The following GYG2 variants were observed in gnomAD, a reference collection of about 807,000 sequenced individuals.
The protein encoded by GYG2 is glycogenin 2, also known as glycogenin-2.
Under a neutral mutation model 29.4 loss-of-function variants are expected in GYG2, and 29 were observed. The observed-to-expected ratio is 0.99, with a 90% CI of 0.74 to 1.35. The LOEUF is 1.35. Ranked by LOEUF, GYG2 falls within the 40% of genes most tolerant of loss-of-function variation. The pLI, the probability that GYG2 is intolerant of heterozygous loss-of-function variation, is 0.00. For missense variants in GYG2, 370 were observed against 385.7 expected (o/e 0.96, Z 0.34); for synonymous variants, 167 against 172.3 (o/e 0.97, Z 0.24).
At chrX:2,863,570 T>C (rs183721548) in intron 8 of GYG2, among the ~76,000 whole-genome samples, 1 of 112,523 alleles carries the variant, frequency 8.9e-6, no homozygotes, top group Admixed American at 9.4e-5. Context: ...CACATTGCTC[T>C]GGAAGACACC....
chrX:2,861,638 T>C lies in GYG2; in HGVS notation c.954T>C (p.Ser318=). ...GVPCANSPLG[S]NQPAQGLPEP... is the part of the protein sequence containing the mutation. ...CGTGTGCAAATTCACCACTGGGTTC[T>C]AACCAGCCTGCTCAGGGCCTTCCGG... Residue 318 remains serine, a synonymous_variant, in exon 8 of 11, where the codon TCT becomes TCC. Coordinates refer to ENST00000398806, the MANE Select transcript of GYG2 (RefSeq NM_001079855.2). The C allele has an allele frequency of 8.3e-7, 1 of 1,207,675 alleles. No individual in the cohort carries two copies. Among genetic ancestry groups the C allele is most frequent in the South Asian group, 1.8e-5 (1 of 56,333 alleles).
intron 6 of GYG2, among the ~76,000 whole-genome samples, chrX:2,858,943 G>A (rs1163446545): frequency 9.0e-6 from 1 of 110,915 alleles, no homozygotes; most frequent in Non-Finnish European, 1.9e-5. Context: ...TTTTGCCCCT[G>A]TCGTTTTAAG....
chrX:2,830,816 G>C (rs1361795494), intron 2 of GYG2, among the ~76,000 whole-genome samples: 2 of 112,400 alleles, frequency 1.8e-5, no homozygotes, highest in Non-Finnish European at 1.9e-5. Context: ...CCAGCTACTA[G>C]GGAAGCTGAG....
chrX:2,859,395 CTATA>C (rs2088101507), intron 6 of GYG2, among the ~76,000 whole-genome samples: 1 of 110,461 alleles, frequency 9.1e-6, no homozygotes. Flanking sequence ...ATATTGTTGA[CTATA>C]TATTGATTAC....
At chrX:2,870,145 T>A (rs1050556445) in intron 8 of GYG2, among the ~76,000 whole-genome samples, 5 of 110,240 alleles carry the variant, frequency 4.5e-5, no homozygotes, top group Non-Finnish European at 5.7e-5. Flanking sequence ...CTTTTTGTAG[T>A]GCATCTTATT....
intron 10 of GYG2, among the ~76,000 whole-genome samples, chrX:2,879,514 T>A (rs1236707189): frequency 8.9e-6 from 1 of 112,013 alleles, no homozygotes; most frequent in East Asian, 2.8e-4. Context: ...GTGATCCACC[T>A]GCCTCGGCCT....
At chrX:2,849,312 G>A (rs138403249) in intron 3 of GYG2, among the ~76,000 whole-genome samples, 1,249 of 111,167 alleles carry the variant, frequency 0.011, 10 homozygotes, top group Middle Eastern at 0.028. Flanking sequence ...TGAAGGAAGG[G>A]TACTTTTTCA....
chrX:2,837,876 C>T (rs766674407), intron 2 of GYG2, among the ~76,000 whole-genome samples: 2 of 108,643 alleles, frequency 1.8e-5, no homozygotes, highest in South Asian at 8.1e-4. Context: ...CACATACACA[C>T]ACACACACGT....
At chrX:2,843,949 CTT>C (rs1269144209) in intron 3 of GYG2, among the ~76,000 whole-genome samples, 1 of 112,320 alleles carries the variant, frequency 8.9e-6, no homozygotes, top group Admixed American at 9.4e-5. Flanking sequence ...GCCAAGGAGT[CTT>C]TTCTTATAAT....
Position 2,881,037 on chromosome X carries a change from G to A in GYG2, c.1252-15G>A, listed in dbSNP as rs1163272819. ...ACAGCTGCAAAAACCATCTCCCACTGACTGTCTTCCCTAGGTCGACCTGGC... is the reference window on the plus strand; with the variant it reads ...ACAGCTGCAAAAACCATCTCCCACTAACTGTCTTCCCTAGGTCGACCTGGC... On this transcript the variant is annotated splice_polypyrimidine_tract_variant and intron_variant, in intron 10 of 10. Transcript: ENST00000398806. 2 of 1,205,760 alleles carry A rather than the reference G, an allele frequency of 1.7e-6. No individual in the cohort carries two copies. Among genetic ancestry groups the A allele is most frequent in the Non-Finnish European group, 2.2e-6 (2 of 892,337 alleles).
intron 5 of GYG2, among the ~76,000 whole-genome samples, chrX:2,855,832 G>C (rs1371850475): frequency 8.9e-6 from 1 of 112,062 alleles, no homozygotes; most frequent in African/African-American, 3.2e-5. Context: ...GGCTGAGTTG[G>C]GAGCAGCAGC....
Position 2,854,087 on chromosome X carries a change from T to A in GYG2, c.257T>A (p.Leu86His). The A allele has an allele frequency of 8.3e-7, 1 of 1,205,326 alleles. No homozygotes were observed. Among genetic ancestry groups the A allele is most frequent in the South Asian group, 1.8e-5 (1 of 56,270 alleles). The change falls in exon 4 of 11, where the codon CTC becomes CAC. Residue 86 changes from leucine (L) to histidine (H), a missense_variant. Leu to His is a moderately conservative substitution (Grantham distance 99, BLOSUM62 -3). Transcript: ENST00000398806. ...FLKRPELGLT[L>H]TKLHCWTLTH... ...AAGAGACCTGAGCTCGGGCTCACCC[T>A]CACCAAGCTTCACTGTTGGACTCTC...
intron 3 of GYG2, among the ~76,000 whole-genome samples, chrX:2,844,202 T>G (rs775927747): frequency 5.3e-5 from 6 of 112,156 alleles, no homozygotes; most frequent in Middle Eastern, 4.6e-3. Flanking sequence ...AATGAAATAA[T>G]AAATCCAGAC....
At chrX:2,842,900 A>G (rs1249578105) in intron 2 of GYG2, 1 of 307,561 alleles carries the variant, frequency 3.3e-6, no homozygotes, top group East Asian at 7.3e-5. Flanking sequence ...CTGCAGCCTC[A>G]AACTCCCAGG....
chrX:2,869,553 A>G (rs2088403852), intron 8 of GYG2, among the ~76,000 whole-genome samples: 1 of 112,395 alleles, frequency 8.9e-6, no homozygotes. Flanking sequence ...AATCGCAATA[A>G]TGTCATAAAA....
At chrX:2,865,105 C>T (rs1378014851) in intron 8 of GYG2, among the ~76,000 whole-genome samples, 1 of 111,406 alleles carries the variant, frequency 9.0e-6, no homozygotes, top group African/African-American at 3.3e-5. Context: ...GTGAGCACTC[C>T]CTCATTCGTA....
At position 2,846,074 on chromosome X, in the gene GYG2, T is replaced by A. The variant is rs1319559846; in HGVS notation, c.149+2720T>A. Among the ~76,000 whole-genome samples, 178 of 43,669 alleles carry A rather than the reference T, an allele frequency of 4.1e-3. 1 individual carries two copies. Among genetic ancestry groups the A allele is most frequent in the African/African-American group, 0.014 (168 of 11,626 alleles). The allele number at this position is 43,669 out of a possible 115,157, so 37.9% of individuals were successfully genotyped here. On this transcript the variant is annotated intron_variant, in intron 3 of 10. Coordinates refer to ENST00000398806, the MANE Select transcript of GYG2 (RefSeq NM_001079855.2). Reference sequence around the variant, plus strand: ...ATATATATTTTTTTTTTTTTTTTTTTTTTTTTTTTTGAGACAGAGTCTCAC... The same window carrying A: ...ATATATATTTTTTTTTTTTTTTTTTATTTTTTTTTTGAGACAGAGTCTCAC...
chrX:2,844,152 A>G (rs1180617593), intron 3 of GYG2, among the ~76,000 whole-genome samples: 1 of 112,385 alleles, frequency 8.9e-6, no homozygotes. Context: ...GGCATTTAAT[A>G]TGGTAGATGT....
Position 2,881,048 on chromosome X carries a change from C to G in GYG2, c.1252-4C>G. On this transcript the variant is annotated splice_polypyrimidine_tract_variant and splice_region_variant and intron_variant, in intron 10 of 10. Coordinates refer to ENST00000398806, the MANE Select transcript of GYG2 (RefSeq NM_001079855.2). ...AACCATCTCCCACTGACTGTCTTCC[C>G]TAGGTCGACCTGGCCGTCTCTGTTT... is the stretch of plus-strand genomic sequence containing the variant. 1.7e-6 allele frequency: 2 copies of G among 1,208,849 alleles called. No homozygotes were observed. Among genetic ancestry groups the G allele is most frequent in the Non-Finnish European group, 2.2e-6 (2 of 893,604 alleles).
Sources: allele counts gnomAD v4.1 joint callset (sites outside exome capture counted in the v4.1 genomes callset), GRCh38; gene constraint gnomAD v4.1.1; transcripts MANE v1.5; gene names NCBI Gene and HGNC (gene_info 2026-07-23, HGNC 2026-07-21).